The following IL1RAPL1 variants were observed in gnomAD, a reference collection of about 807,000 sequenced individuals.
IL1RAPL1 encodes interleukin-1 receptor accessory protein-like 1.
A neutral mutation model predicts 48.4 loss-of-function variants in IL1RAPL1; 3 were observed. The ratio of observed to expected loss-of-function variants is 0.06; its 90% confidence interval spans 0.03 to 0.16. The LOEUF (loss-of-function observed/expected upper bound fraction) is 0.16, where lower values mean the gene tolerates loss of function less well. IL1RAPL1 is among the 10% of genes least tolerant of loss of function. The pLI, the probability that IL1RAPL1 is intolerant of heterozygous loss-of-function variation, is 1.00. For synonymous variants in IL1RAPL1, 185 were observed against 187.7 expected, an observed-to-expected ratio of 0.99 and a Z score of 0.12; for missense variants, 349 against 530.6, an observed-to-expected ratio of 0.66 and a Z score of 3.36.
At chrX:29,218,410 A>G (rs1930916675) in intron 2 of IL1RAPL1, among the ~76,000 whole-genome samples, 1 of 111,665 alleles carries the variant, frequency 9.0e-6, no homozygotes, top group Non-Finnish European at 1.9e-5. Context: ...AAAGCACGAC[A>G]AAAGAAAGCT....
chrX:29,493,701 G>A (rs1157426401), intron 5 of IL1RAPL1, among the ~76,000 whole-genome samples: 1 of 110,999 alleles, frequency 9.0e-6, no homozygotes, highest in African/African-American at 3.3e-5. Flanking sequence ...TTAGAGTCAG[G>A]GGATACATGT....
rs758724926 is a variant in IL1RAPL1, at chrX:28,879,868, A to G, written c.82+90443A>G. ...ATATGTATTTTGTGTTCTGAAATATAGAGATTGAATGAGAGACAGGAATGA... is the reference window on the plus strand; with the variant it reads ...ATATGTATTTTGTGTTCTGAAATATGGAGATTGAATGAGAGACAGGAATGA... On this transcript the variant is annotated intron_variant, in intron 2 of 10. Transcript: ENST00000378993. Among the ~76,000 whole-genome samples the G allele has an allele frequency of 2.8e-4, 31 of 112,077 alleles. 1 individual carries two copies. The highest frequency in any genetic ancestry group is 4.6e-3 in the Middle Eastern group (1 of 218).
intron 5 of IL1RAPL1, among the ~76,000 whole-genome samples, chrX:29,600,103 G>A (rs1284478503): frequency 8.9e-6 from 1 of 111,866 alleles, no homozygotes; most frequent in African/African-American, 3.3e-5. Flanking sequence ...ACCTTGTTTT[G>A]TCATATTATC....
chrX:29,082,182 A>G, intron 2 of IL1RAPL1, among the ~76,000 whole-genome samples: 1 of 112,288 alleles, frequency 8.9e-6, no homozygotes, highest in Non-Finnish European at 1.9e-5. Context: ...TCACAGCCGT[A>G]CATGGAATTT....
chrX:29,778,067 A>G (rs775206353), intron 6 of IL1RAPL1, among the ~76,000 whole-genome samples: 2 of 111,123 alleles, frequency 1.8e-5, no homozygotes, highest in Non-Finnish European at 3.8e-5. Flanking sequence ...TACAATATAT[A>G]TTCTTTGGAA....
At chrX:29,370,909 G>T (rs1933535036) in intron 3 of IL1RAPL1, among the ~76,000 whole-genome samples, 1 of 107,565 alleles carries the variant, frequency 9.3e-6, no homozygotes, top group African/African-American at 3.4e-5. Flanking sequence ...CATATTTTTG[G>T]GGTAGAGTGT....
At position 28,819,971 on chromosome X, in the gene IL1RAPL1, T is replaced by G. The variant is rs1228475722; in HGVS notation, c.82+30546T>G. 2.2e-3 allele frequency among the ~76,000 whole-genome samples: 40 copies of G among 18,246 alleles called. 1 individual carries two copies. The African/African-American group carries it at 0.024, about 11-fold the overall frequency. 15.8% of individuals were successfully genotyped at this position (18,246 alleles called of 115,157 possible). On this transcript the variant is annotated intron_variant, in intron 2 of 10. Transcript: ENST00000378993. ...TGATTACTGCATAAACATAGTGATA[T>G]ATATATATATATATATATATATATA...
intron 5 of IL1RAPL1, among the ~76,000 whole-genome samples, chrX:29,518,958 T>C (rs1935475804): frequency 8.9e-6 from 1 of 112,064 alleles, no homozygotes; most frequent in African/African-American, 3.2e-5. Flanking sequence ...GAAGTGCTAA[T>C]ATTCAGAACA....
chrX:29,383,632 T>G, intron 3 of IL1RAPL1, among the ~76,000 whole-genome samples: 2 of 112,196 alleles, frequency 1.8e-5, no homozygotes, highest in Non-Finnish European at 3.8e-5. Flanking sequence ...GTTACTAGGT[T>G]GCTGGTATTC....
At chrX:29,428,844 C>T (rs1376004262) in intron 5 of IL1RAPL1, among the ~76,000 whole-genome samples, 1 of 111,566 alleles carries the variant, frequency 9.0e-6, no homozygotes, top group Non-Finnish European at 1.9e-5. Flanking sequence ...AACCGTCAAT[C>T]AGTAGCCCCC....
intron 2 of IL1RAPL1, among the ~76,000 whole-genome samples, chrX:28,889,004 A>C (rs1922709760): frequency 9.0e-6 from 1 of 111,333 alleles, no homozygotes; most frequent in Non-Finnish European, 1.9e-5. Context: ...CATTTTTAAT[A>C]CTTTATTACA....
chrX:29,949,766 T>A (rs913996328), intron 9 of IL1RAPL1, among the ~76,000 whole-genome samples: 3 of 112,346 alleles, frequency 2.7e-5, no homozygotes, highest in Admixed American at 1.9e-4. Context: ...ATGAAGTTCA[T>A]ACACATTAAA....
chrX:28,793,190 A>G (rs746134455), intron 2 of IL1RAPL1, among the ~76,000 whole-genome samples: 20 of 109,821 alleles, frequency 1.8e-4, no homozygotes, highest in African/African-American at 6.6e-4. Flanking sequence ...ATATTATAGC[A>G]ATTCAGTAAG....
chrX:29,287,786 G>T (rs1324998177), intron 3 of IL1RAPL1, among the ~76,000 whole-genome samples: 2 of 111,964 alleles, frequency 1.8e-5, no homozygotes, highest in Non-Finnish European at 3.8e-5. Context: ...AGAATTCTTT[G>T]TATGTTCTAA....
At chrX:29,069,946 G>A (rs1927530751) in intron 2 of IL1RAPL1, among the ~76,000 whole-genome samples, 1 of 111,044 alleles carries the variant, frequency 9.0e-6, no homozygotes, top group Non-Finnish European at 1.9e-5. Context: ...CTCTTACATT[G>A]CTCAAGAATA....
intron 2 of IL1RAPL1, among the ~76,000 whole-genome samples, chrX:29,203,218 G>A (rs1930591375): frequency 9.0e-6 from 1 of 110,688 alleles, no homozygotes; most frequent in Non-Finnish European, 1.9e-5. Context: ...TCAAAGTTAG[G>A]CTACTACCAT....
intron 2 of IL1RAPL1, among the ~76,000 whole-genome samples, chrX:29,041,698 T>C (rs2147417141): frequency 8.9e-6 from 1 of 111,773 alleles, no homozygotes; most frequent in South Asian, 3.7e-4. Context: ...ATACCGTGTA[T>C]TAGTTCTTTA....
chrX:28,941,033 AATTT>A (rs1187403683), intron 2 of IL1RAPL1, among the ~76,000 whole-genome samples: 106 of 110,149 alleles, frequency 9.6e-4, no homozygotes, highest in African/African-American at 3.4e-3. Context: ...TTATTACTTA[AATTT>A]ATTTATGATA....
At chrX:29,818,967 T>A (rs183941940) in intron 6 of IL1RAPL1, among the ~76,000 whole-genome samples, 26 of 112,024 alleles carry the variant, frequency 2.3e-4, no homozygotes, top group Admixed American at 6.7e-4. Context: ...AGGCGTCATT[T>A]ATATGGATAA....
Sources: gnomAD v4.1 joint callset for allele counts (sites outside exome capture counted in the v4.1 genomes callset) on GRCh38, gnomAD v4.1.1 for gene constraint, MANE v1.5 for transcripts, NCBI Gene and HGNC (gene_info 2026-07-23, HGNC 2026-07-21) for gene names.